MGMT: variants seen among roughly 807,000 people sequenced by gnomAD.
The protein encoded by MGMT is methylated-DNA--protein-cysteine methyltransferase.
Under a neutral mutation model 15.9 loss-of-function variants are expected in MGMT, and 14 were observed. That is an observed-to-expected ratio of 0.88 (90% CI 0.58 to 1.37). The LOEUF (loss-of-function observed/expected upper bound fraction) is 1.37, where lower values mean the gene tolerates loss of function less well. Ranked by LOEUF, MGMT falls within the 40% of genes most tolerant of loss-of-function variation. The pLI, the probability that MGMT is intolerant of heterozygous loss-of-function variation, is 0.00. For synonymous variants in MGMT, 130 were observed against 118.2 expected (o/e 1.10, Z -0.65); for missense variants, 282 against 268.1 (o/e 1.05, Z -0.36).
At chr10:129,561,604 T>C (rs1846279742) in intron 2 of MGMT, among the ~76,000 whole-genome samples, 2 of 152,238 alleles carry the variant, frequency 1.3e-5, no homozygotes, top group Non-Finnish European at 2.9e-5. Context: ...CATAGTTGTC[T>C]GTGAGGACAT....
At chr10:129,561,083 G>A (rs749329020) in intron 2 of MGMT, among the ~76,000 whole-genome samples, 4 of 152,094 alleles carry the variant, frequency 2.6e-5, no homozygotes, top group Admixed American at 6.5e-5. Context: ...GAGACGGGCT[G>A]GGAAGGTGCC....
At chr10:129,521,369 TG>T (rs766615836) in intron 1 of MGMT, among the ~76,000 whole-genome samples, 2 of 152,076 alleles carry the variant, frequency 1.3e-5, no homozygotes, top group African/African-American at 2.4e-5. Flanking sequence ...CCCAGCCTCT[TG>T]GTGGGAGTCA....
At chr10:129,580,252 C>T (rs1040632316) in intron 2 of MGMT, among the ~76,000 whole-genome samples, 13 of 152,246 alleles carry the variant, frequency 8.5e-5, no homozygotes, top group Middle Eastern at 6.8e-3. Flanking sequence ...GGGGGATGCG[C>T]GGGAGCCAGT....
At chr10:129,560,018 T>A (rs55644809) in intron 2 of MGMT, among the ~76,000 whole-genome samples, 1 of 152,258 alleles carries the variant, frequency 6.6e-6, no homozygotes, top group African/African-American at 2.4e-5. Context: ...ACTCCACTAA[T>A]AAGAAACGGA....
intron 2 of MGMT, among the ~76,000 whole-genome samples, chr10:129,587,587 T>C (rs1214622993): frequency 6.6e-6 from 1 of 151,522 alleles, no homozygotes; most frequent in Non-Finnish European, 1.5e-5. Context: ...CCTCCTGGGT[T>C]CAAGTGATTC....
chr10:129,673,736 A>C (rs1032911518), intron 2 of MGMT, among the ~76,000 whole-genome samples: 1 of 152,190 alleles, frequency 6.6e-6, no homozygotes, highest in Non-Finnish European at 1.5e-5. Flanking sequence ...TAAAAATTTA[A>C]TGGGATGTAT....
chr10:129,675,969 G>A (rs563310868), intron 2 of MGMT, among the ~76,000 whole-genome samples: 3 of 152,128 alleles, frequency 2.0e-5, no homozygotes, highest in Non-Finnish European at 4.4e-5. Context: ...GCAAGGTCCC[G>A]GCCATGTGTC....
intron 3 of MGMT, among the ~76,000 whole-genome samples, chr10:129,741,476 C>T (rs11592693): frequency 0.12 from 18,069 of 152,142 alleles, 1,151 homozygotes; most frequent in Middle Eastern, 0.16. Context: ...GGAGGTTCGC[C>T]AGGACTGCAT....
At chr10:129,707,450 A>G (rs1332146666) in intron 2 of MGMT, among the ~76,000 whole-genome samples, 1 of 151,982 alleles carries the variant, frequency 6.6e-6, no homozygotes, top group Non-Finnish European at 1.5e-5. Context: ...AATCCCCTGA[A>G]CACAGCACAC....
chr10:129,471,444 G>C (rs1366740311), intron 1 of MGMT, among the ~76,000 whole-genome samples: 2 of 152,130 alleles, frequency 1.3e-5, no homozygotes, highest in African/African-American at 4.8e-5. Flanking sequence ...GTACTTCCCA[G>C]TCAAGAGGAC....
In MGMT at chr10:129,750,065, G is replaced by A. The variant is rs996182674; in HGVS notation, c.275-9137G>A. Among the ~76,000 whole-genome samples, 19 of 151,894 alleles carry A rather than the reference G, an allele frequency of 1.3e-4. 1 individual carries two copies. Among genetic ancestry groups the A allele is most frequent in the Admixed American group, 3.9e-4 (6 of 15,254 alleles). ...TCTTACATATATCTTCTCCTAGTCT[G>A]CCTCTCGTTTTCAGAGTCTCAGCAT... On this transcript the variant is annotated intron_variant, in intron 3 of 4. Transcript: ENST00000651593.
chr10:129,506,652 G>A (rs891229994), intron 1 of MGMT, among the ~76,000 whole-genome samples: 1 of 152,074 alleles, frequency 6.6e-6, no homozygotes, highest in Non-Finnish European at 1.5e-5. Context: ...GCCCTACCCT[G>A]TCCTCCCATC....
intron 1 of MGMT, among the ~76,000 whole-genome samples, chr10:129,496,341 C>T (rs181790820): frequency 1.3e-5 from 2 of 152,172 alleles, no homozygotes; most frequent in Admixed American, 1.3e-4. Flanking sequence ...GCTCCAATAA[C>T]AATAAGTACA....
chr10:129,648,529 A>T (rs959936543), intron 2 of MGMT, among the ~76,000 whole-genome samples: 1 of 152,250 alleles, frequency 6.6e-6, no homozygotes, highest in Non-Finnish European at 1.5e-5. Context: ...CTGTAGAATC[A>T]GTGACTGTTA....
intron 2 of MGMT, among the ~76,000 whole-genome samples, chr10:129,622,792 T>TA (rs540750817): frequency 0.069 from 10,041 of 146,238 alleles, 437 homozygotes; most frequent in African/African-American, 0.13. Flanking sequence ...AAATGGCCTG[T>TA]AAAAAAAAAA....
intron 2 of MGMT, among the ~76,000 whole-genome samples, chr10:129,641,055 G>T (rs1241104793): frequency 6.6e-6 from 1 of 152,154 alleles, no homozygotes; most frequent in Non-Finnish European, 1.5e-5. Flanking sequence ...GGGAAAAAAT[G>T]ATTTTGGAAA....
chr10:129,479,864 G>C (rs1418128278), intron 1 of MGMT, among the ~76,000 whole-genome samples: 1 of 152,054 alleles, frequency 6.6e-6, no homozygotes, highest in Non-Finnish European at 1.5e-5. Context: ...TGGTCTCAGA[G>C]CCTTTTTGCA....
At chr10:129,484,321 C>T (rs1845387148) in intron 1 of MGMT, among the ~76,000 whole-genome samples, 1 of 152,176 alleles carries the variant, frequency 6.6e-6, no homozygotes, top group Admixed American at 6.5e-5. Flanking sequence ...TTTTGTGTTT[C>T]TGTGCCTTGA....
At chr10:129,650,435 CA>C (rs2133097052) in intron 2 of MGMT, among the ~76,000 whole-genome samples, 1 of 152,286 alleles carries the variant, frequency 6.6e-6, no homozygotes, top group East Asian at 1.9e-4. Flanking sequence ...TTTGGGCTTC[CA>C]GAAAGAGCCA....
Sources: allele counts gnomAD v4.1 joint callset (sites outside exome capture counted in the v4.1 genomes callset), GRCh38; gene constraint gnomAD v4.1.1; transcripts MANE v1.5; gene names NCBI Gene and HGNC (gene_info 2026-07-23, HGNC 2026-07-21).